Variants in CCNH observed in about 807,000 individuals in gnomAD.
CCNH encodes the protein cyclin-H.
Under a neutral mutation model 41.9 loss-of-function variants are expected in CCNH, and 31 were observed. The ratio of observed to expected loss-of-function variants is 0.74; its 90% confidence interval spans 0.56 to 1.00. The LOEUF is 1.00. CCNH is among the 50% of genes least tolerant of loss of function. The pLI, the probability that CCNH is intolerant of heterozygous loss-of-function variation, is 0.00. For missense variants in CCNH, 362 were observed against 388.4 expected, an observed-to-expected ratio of 0.93 and a Z score of 0.57; for synonymous variants, 138 against 136.1, an observed-to-expected ratio of 1.01 and a Z score of -0.10.
At chr5:87,370,645 C>T (rs978608079) in intron 9 of CCNH, among the ~76,000 whole-genome samples, 4 of 152,126 alleles carry the variant, frequency 2.6e-5, no homozygotes, top group Non-Finnish European at 4.4e-5. Flanking sequence ...AGGCAACAAA[C>T]TGAGACACTG....
intron 9 of CCNH, among the ~76,000 whole-genome samples, chr5:87,338,815 A>G (rs905730705): frequency 1.7e-4 from 26 of 151,898 alleles, no homozygotes; most frequent in Non-Finnish European, 1.5e-5. Context: ...ATAATTTTCC[A>G]GTAAACTTGG....
intron 9 of CCNH, among the ~76,000 whole-genome samples, chr5:87,344,083 G>T (rs1043475467): frequency 2.6e-5 from 4 of 152,110 alleles, no homozygotes; most frequent in Non-Finnish European, 5.9e-5. Flanking sequence ...AGCAGGGAAG[G>T]GGGGATACAA....
chr5:87,315,590 T>C (rs958471622), downstream of CCNH, among the ~76,000 whole-genome samples: 3 of 152,250 alleles, frequency 2.0e-5, no homozygotes, highest in African/African-American at 4.8e-5. Context: ...AAGTGTGCTA[T>C]CTTTTGGGTT....
intron 9 of CCNH, among the ~76,000 whole-genome samples, chr5:87,329,103 C>T (rs1446179742): frequency 6.6e-6 from 1 of 152,002 alleles, no homozygotes; most frequent in South Asian, 2.1e-4. Context: ...TGTCTTTCTC[C>T]TGAACTGACT....
rs905386494 is a variant in CCNH at position 87,412,911 on chromosome 5, C to T, written c.-117G>A. The T allele has an allele frequency of 1.4e-6, 2 of 1,476,304 alleles. No individual in the cohort carries two copies. Among genetic ancestry groups the T allele is most frequent in the Non-Finnish European group, 1.8e-6 (2 of 1,113,806 alleles). The allele number at this position is 1,476,304 out of a possible 1,614,324, so 91.5% of individuals were successfully genotyped here. A position where few individuals can be genotyped will look rare whatever the true frequency, so the allele number is the denominator to read the frequency against. On this transcript the variant is annotated 5_prime_UTR_variant, in exon 1 of 9. Coordinates refer to ENST00000256897, the MANE Select transcript of CCNH (RefSeq NM_001239.4). ...TCTCGCGGAAGCCTAGGGCGTCCGGCTAGCCGGCGCTGGCGCGCTGTCGTC... is the reference window on the plus strand; with the variant it reads ...TCTCGCGGAAGCCTAGGGCGTCCGGTTAGCCGGCGCTGGCGCGCTGTCGTC...
intron 2 of CCNH, among the ~76,000 whole-genome samples, chr5:87,410,344 C>A (rs1451463132): frequency 1.3e-5 from 2 of 152,052 alleles, no homozygotes; most frequent in African/African-American, 4.8e-5. Context: ...CAAGCCAAAT[C>A]TGAAGATATA....
chr5:87,405,495 T>C (rs765531631), intron 4 of CCNH, among the ~76,000 whole-genome samples: 22 of 152,136 alleles, frequency 1.4e-4, no homozygotes, highest in Admixed American at 6.5e-5. Flanking sequence ...CAGTTCTTCA[T>C]ACCCTATAAA....
At chr5:87,352,728 A>AAATGTGATAAT (rs1296998510) in intron 9 of CCNH, among the ~76,000 whole-genome samples, 4 of 151,790 alleles carry the variant, frequency 2.6e-5, no homozygotes, top group African/African-American at 9.7e-5. Flanking sequence ...CAGTATGTGT[A>AAATGTGATAAT]AATGTGATAA....
chr5:87,386,592 T>C (rs1762078502), downstream of CCNH, among the ~76,000 whole-genome samples: 1 of 152,082 alleles, frequency 6.6e-6, no homozygotes, highest in Admixed American at 6.6e-5. Flanking sequence ...CATTTGCTTA[T>C]ATACTAGAAG....
chr5:87,325,170 A>T (rs777319091), intron 9 of CCNH, among the ~76,000 whole-genome samples: 3 of 152,208 alleles, frequency 2.0e-5, no homozygotes, highest in East Asian at 3.9e-4. Context: ...ACTGAGCAAA[A>T]GGGGGAAAAG....
intron 9 of CCNH, among the ~76,000 whole-genome samples, chr5:87,322,542 C>G (rs1756904884): frequency 6.6e-6 from 1 of 152,140 alleles, no homozygotes; most frequent in Non-Finnish European, 1.5e-5. Flanking sequence ...GGCTCCTCCC[C>G]CCTTCTCTTG....
chr5:87,394,024 A>AATG (rs752647949), downstream of CCNH: 63 of 154,934 alleles, frequency 4.1e-4, no homozygotes, highest in Non-Finnish European at 6.7e-4. Context: ...GTTTAATAGT[A>AATG]ATGGACAAAT....
chr5:87,331,789 A>C (rs550090840), intron 9 of CCNH, among the ~76,000 whole-genome samples: 1 of 152,324 alleles, frequency 6.6e-6, no homozygotes, highest in South Asian at 2.1e-4. Flanking sequence ...GCTAAAATAA[A>C]GGAATTGTAT....
chr5:87,366,494 T>C (rs908864194), intron 9 of CCNH: 1 of 218,760 alleles, frequency 4.6e-6, no homozygotes, highest in Non-Finnish European at 1.0e-5. Context: ...ATTCCTATTC[T>C]GGTTAGTAAC....
At chr5:87,404,119 C>T (rs562348207) in intron 5 of CCNH, among the ~76,000 whole-genome samples, 2 of 152,100 alleles carry the variant, frequency 1.3e-5, no homozygotes, top group Non-Finnish European at 2.9e-5. Flanking sequence ...AATAAGTATT[C>T]ATGTCTTAGA....
downstream of CCNH, chr5:87,386,965 C>A: frequency 4.3e-6 from 6 of 1,384,950 alleles, no homozygotes; most frequent in South Asian, 6.0e-5. Context: ...TGAGTTAACC[C>A]ATTTAAGCAG....
upstream of CCNH, chr5:87,380,526 A>C: frequency 6.2e-7 from 1 of 1,612,876 alleles, no homozygotes; most frequent in East Asian, 2.2e-5. Flanking sequence ...AGATATATTT[A>C]TGGGTGTTTA....
Position 87,338,019 on chromosome 5 carries a change from T to C in CCNH, c.*91-19122A>G. ...TCATTGTTCATAATGAATTAGAAGA[T>C]GGATGGATGTGGGTTACAAATTTAA... is the stretch of plus-strand genomic sequence containing the variant. On this transcript the variant is annotated intron_variant and NMD_transcript_variant, in intron 9 of 9. Transcript: ENST00000645953. The C allele has an allele frequency of 3.7e-6, 6 of 1,611,940 alleles. No individual in the cohort carries two copies. The highest frequency in any genetic ancestry group is 5.1e-6 in the Non-Finnish European group (6 of 1,178,920).
intron 9 of CCNH, among the ~76,000 whole-genome samples, chr5:87,349,015 G>A (rs769522506): frequency 2.0e-5 from 3 of 151,772 alleles, no homozygotes; most frequent in Non-Finnish European, 4.4e-5. Context: ...ATACACCAGA[G>A]AGATAGCAGA....
Sources: allele counts gnomAD v4.1 joint callset (sites outside exome capture counted in the v4.1 genomes callset), GRCh38; gene constraint gnomAD v4.1.1; transcripts MANE v1.5; gene names NCBI Gene and HGNC (gene_info 2026-07-23, HGNC 2026-07-21).